MDN1: variants seen among roughly 807,000 people sequenced by gnomAD.
MDN1 encodes the protein midasin AAA ATPase 1.
In MDN1, 266 loss-of-function variants were observed where a neutral mutation model predicts 669.2. The ratio of observed to expected loss-of-function variants is 0.40; its 90% CI spans 0.36 to 0.44. The LOEUF is 0.44. Ranked by LOEUF, MDN1 falls within the 20% of genes least tolerant of loss-of-function variation. MDN1 has a pLI of 1.00. For missense variants in MDN1, 5,940 were observed against 6,754.0 expected, an observed-to-expected ratio of 0.88 and a Z score of 4.22; for synonymous variants, 2,385 against 2,457.1, an observed-to-expected ratio of 0.97 and a Z score of 0.87.
intron 63 of MDN1, among the ~76,000 whole-genome samples, chr6:89,691,118 A>G (rs1285052129): frequency 6.6e-6 from 1 of 152,144 alleles, no homozygotes; most frequent in Non-Finnish European, 1.5e-5. Context: ...TCCTGTCAAG[A>G]GGTAAAGGTG....
intron 96 of MDN1, 44 bp downstream of exon 96, chr6:89,650,686 CCG>C (rs1283867443): frequency 2.8e-6 from 4 of 1,426,384 alleles, no homozygotes; most frequent in Non-Finnish European, 3.9e-6. Flanking sequence ...AATGAAGCTG[CCG>C]TCTTCTCAGG....
intron 9 of MDN1, 93 bp from the exon 10 acceptor site, chr6:89,781,685 TG>T (rs1270602127): frequency 8.9e-7 from 1 of 1,125,918 alleles, no homozygotes; most frequent in Non-Finnish European, 1.3e-6. Flanking sequence ...AGCCAAAAAT[TG>T]TATTTCTCTA....
intron 15 of MDN1, among the ~76,000 whole-genome samples, chr6:89,766,622 C>T (rs1250400697): frequency 6.6e-6 from 1 of 152,184 alleles, no homozygotes; most frequent in Non-Finnish European, 1.5e-5. Context: ...AATAACTTTG[C>T]TTATATCTGT....
chr6:89,776,635 C>T lies in MDN1; in HGVS notation c.1786G>A (p.Val596Ile), dbSNP rs138147437. The T allele has an allele frequency of 1.1e-4, 185 of 1,613,144 alleles. No individual in the cohort carries two copies. In the Middle Eastern group the frequency reaches 2.5e-3, roughly 22 times the overall value. The change falls in exon 12 of 102, where the codon GTT becomes ATT. Residue 596 changes from valine (V) to isoleucine (I), a missense_variant. Val to Ile is a conservative substitution (Grantham distance 29). Coordinates refer to ENST00000369393, the MANE Select transcript of MDN1 (RefSeq NM_014611.3). ...EHTSKLKMAE[V>I]IGSKLNISRK... ...GAAATGTTCAATTTGCTTCCAATAACTTCTGCCATTTTCAGTTTGCTTGTA... is the reference window on the plus strand; with the variant it reads ...GAAATGTTCAATTTGCTTCCAATAATTTCTGCCATTTTCAGTTTGCTTGTA...
intron 62 of MDN1, 148 bp from the exon 63 acceptor site, chr6:89,693,296 CAATT>C (rs1348609590): frequency 3.2e-6 from 2 of 618,378 alleles, no homozygotes; most frequent in South Asian, 2.1e-5. Flanking sequence ...ATAATACTGA[CAATT>C]AGTTAATGAA....
At chr6:89,780,068 CAAA>C in intron 11 of MDN1, 141 bp downstream of exon 11, 2 of 374,338 alleles carry the variant, frequency 5.3e-6, no homozygotes, top group Non-Finnish European at 9.0e-6. Flanking sequence ...GACTTCGTCT[CAAA>C]AAAAAAAAAC....
chr6:89,808,709 C>T (rs1031404087), intron 1 of MDN1, among the ~76,000 whole-genome samples: 4 of 152,106 alleles, frequency 2.6e-5, no homozygotes, highest in African/African-American at 7.2e-5. Context: ...TGCTGAACTT[C>T]GTTCTTCCTC....
Position 89,708,586 on chromosome 6 carries a change from G to A in MDN1, c.7808C>T (p.Ala2603Val). 3 of 1,613,980 alleles carry A rather than the reference G, an allele frequency of 1.9e-6. No homozygotes were observed. The highest frequency in any genetic ancestry group is 2.5e-6 in the Non-Finnish European group (3 of 1,179,874). Residue 2603 changes from alanine (A) to valine (V), a missense_variant, in exon 51 of 102, where the codon GCT (alanine) becomes GTT (valine). Coordinates refer to ENST00000369393, the MANE Select transcript of MDN1 (RefSeq NM_014611.3). The stretch of plus-strand genomic sequence containing the variant: ...CATCAAATTTCTAATCATGTCCAGA[G>A]CCTGCATATTCCATCGGGGATCCAG... ...IPLDPRWNMQ[A>V]LDMIRNLMDF...
intron 29 of MDN1, 152 bp downstream of exon 29, chr6:89,745,121 C>CCCAA: frequency 1.5e-6 from 1 of 664,746 alleles, no homozygotes; most frequent in Non-Finnish European, 2.2e-6. Flanking sequence ...CCGACCCACT[C>CCCAA]TTAGTCTCTT....
At chr6:89,729,605 G>A (rs934017399) in intron 35 of MDN1, among the ~76,000 whole-genome samples, 1 of 151,726 alleles carries the variant, frequency 6.6e-6, no homozygotes, top group Admixed American at 6.6e-5. Context: ...CTGATATGCA[G>A]GACTAATAAC....
Position 89,718,597 on chromosome 6 carries a change from G to C in MDN1, c.6352C>G (p.Leu2118Val). The change falls in exon 43 of 102, where the codon CTA (leucine) becomes GTA (valine). Residue 2118 changes from leucine to valine, a missense_variant. Physicochemically the swap from Leu to Val is conservative, Grantham distance 32. Around this residue, in one of 5 missense-constraint regions of MDN1, gnomAD observed 2,292 missense variants for 2,638.3 expected, o/e 0.87. Coordinates refer to ENST00000369393, the MANE Select transcript of MDN1 (RefSeq NM_014611.3). The stretch of plus-strand genomic sequence containing the variant: ...CTTACAGTTCCCTCCACCTTCTCTA[G>C]CAGCCTCCTCCAAGGTCGTATAAGA... ...VDLIRPWRRLLEKVEGTVRAL... is the reference protein window; with the variant it reads ...VDLIRPWRRLVEKVEGTVRAL... The C allele has an allele frequency of 1.9e-6, 3 of 1,614,030 alleles. No homozygotes were observed. In the South Asian group the frequency reaches 3.3e-5, roughly 18 times the overall value.
chr6:89,774,757 G>T, intron 12 of MDN1, 24 bp from the exon 13 acceptor site: 2 of 1,506,208 alleles, frequency 1.3e-6, no homozygotes, highest in South Asian at 1.1e-5. Context: ...GATTTTACCT[G>T]AGTAAAAATC....
At chr6:89,732,506 T>A in intron 34 of MDN1, 51 bp downstream of exon 34, 1 of 1,526,258 alleles carries the variant, frequency 6.6e-7, no homozygotes, top group South Asian at 1.2e-5. Context: ...CTCCTTTTCC[T>A]ATGCCCCTCT....
chr6:89,755,322 T>C (rs1817189783), intron 20 of MDN1, among the ~76,000 whole-genome samples: 2 of 147,012 alleles, frequency 1.4e-5, no homozygotes, highest in African/African-American at 5.1e-5. Flanking sequence ...GGCTGGCGTA[T>C]CACTTGAGGC....
Position 89,664,703 on chromosome 6 carries a change from A to G in MDN1, c.14095-75T>C, listed in dbSNP as rs146065253. The G allele has an allele frequency of 3.0e-4, 358 of 1,208,960 alleles. 1 individual carries two copies. The African/African-American group carries it at 4.9e-3, about 16-fold the overall frequency. 74.9% of individuals were successfully genotyped at this position (1,208,960 alleles called of 1,614,324 possible). ...GCTTCAGCTGTGAGATATAAATGCC[A>G]AGGTTAATGGTGTAAAAATATATCT... On this transcript the variant is annotated intron_variant, in intron 84 of 101. Transcript: ENST00000369393.
rs556094282 is a variant in MDN1 at position 89,796,554 on chromosome 6, C to A, written c.330-1753G>T. Among the ~76,000 whole-genome samples, 61 of 152,066 alleles carry A rather than the reference C, an allele frequency of 4.0e-4. 1 individual carries two copies. In the South Asian group the frequency reaches 0.012, roughly 30 times the overall value. ...AAGAATTAACACTAATCCTAATGAA[C>A]CTTAATGTAATCAGGTGGAATTTGA... On this transcript the variant is annotated intron_variant, in intron 2 of 101. Transcript: ENST00000369393.
At chr6:89,794,235 A>C in intron 3 of MDN1, 28 bp from the exon 4 acceptor site, 1 of 1,275,814 alleles carries the variant, frequency 7.8e-7, no homozygotes, top group Non-Finnish European at 1.1e-6. Flanking sequence ...ATGTAAATTC[A>C]GTTTATCTGC....
chr6:89,667,679 A>G (rs544418685), intron 84 of MDN1, among the ~76,000 whole-genome samples: 2 of 152,296 alleles, frequency 1.3e-5, no homozygotes, highest in East Asian at 3.9e-4. Context: ...GTTTAATGCA[A>G]TTATCACTTA....
At chr6:89,712,497 A>G in intron 48 of MDN1, 78 bp downstream of exon 48, 1 of 1,394,890 alleles carries the variant, frequency 7.2e-7, no homozygotes, top group Non-Finnish European at 1.0e-6. Context: ...CCAGTTAAAT[A>G]TATTGTGTCC....
Sources: allele counts gnomAD v4.1 joint callset (sites outside exome capture counted in the v4.1 genomes callset), GRCh38; gene constraint gnomAD v4.1.1; regional missense constraint gnomAD v4.1.1; transcripts MANE v1.5; gene names NCBI Gene and HGNC (gene_info 2026-07-23, HGNC 2026-07-21).